Variants in CFAP44 observed in about 807,000 individuals in gnomAD.
CFAP44 encodes cilia- and flagella-associated protein 44.
CFAP44 carries 134 observed loss-of-function variants against 216.2 expected under a neutral mutation model. The observed-to-expected ratio is 0.62, with a 90% confidence interval of 0.54 to 0.72. CFAP44 has a LOEUF of 0.72. Ranked by LOEUF, CFAP44 falls within the 30% of genes least tolerant of loss-of-function variation. CFAP44 has a pLI of 0.00. For synonymous variants in CFAP44, 700 were observed against 727.6 expected, an observed-to-expected ratio of 0.96 and a Z score of 0.61; for missense variants, 2,035 against 2,182.1, an observed-to-expected ratio of 0.93 and a Z score of 1.34.
At chr3:113,412,108 C>T (rs1934494873) in intron 6 of CFAP44, among the ~76,000 whole-genome samples, 1 of 152,166 alleles carries the variant, frequency 6.6e-6, no homozygotes, top group African/African-American at 2.4e-5. Context: ...TGGCACAAGA[C>T]AGGGATGCCC....
intron 15 of CFAP44, among the ~76,000 whole-genome samples, chr3:113,384,392 AGTT>A (rs1206124620): frequency 2.6e-5 from 4 of 152,080 alleles, no homozygotes; most frequent in African/African-American, 9.7e-5. Flanking sequence ...GAGCTCTTAT[AGTT>A]GTTATGTGCT....
At chr3:113,316,526 A>G (rs1215139054) in intron 28 of CFAP44, among the ~76,000 whole-genome samples, 1 of 152,174 alleles carries the variant, frequency 6.6e-6, no homozygotes, top group South Asian at 2.1e-4. Context: ...AGATCAGTTG[A>G]ATTGACAAAC....
intron 28 of CFAP44, among the ~76,000 whole-genome samples, chr3:113,316,868 CAAA>C (rs71684264): frequency 3.4e-5 from 4 of 116,334 alleles, no homozygotes; most frequent in Admixed American, 1.8e-4. Context: ...GACTCCATCT[CAAA>C]AAAAAAAAAA....
At chr3:113,356,268 T>C (rs1251057616) in intron 22 of CFAP44, among the ~76,000 whole-genome samples, 1 of 151,446 alleles carries the variant, frequency 6.6e-6, no homozygotes, top group Non-Finnish European at 1.5e-5. Context: ...TTAATTATTA[T>C]TTAAATGTCT....
At chr3:113,361,132 G>T in intron 21 of CFAP44, 1 of 182,782 alleles carries the variant, frequency 5.5e-6, no homozygotes, top group Non-Finnish European at 1.2e-5. Flanking sequence ...TGGATTTAAT[G>T]GAAGGCCAGG....
At chr3:113,324,508 A>G (rs913553596) in intron 28 of CFAP44, among the ~76,000 whole-genome samples, 2 of 152,222 alleles carry the variant, frequency 1.3e-5, no homozygotes, top group Non-Finnish European at 2.9e-5. Flanking sequence ...GCTAAAAAGA[A>G]AATTACATGA....
intron 15 of CFAP44, among the ~76,000 whole-genome samples, chr3:113,388,330 A>C (rs539505171): frequency 5.3e-5 from 8 of 152,348 alleles, no homozygotes; most frequent in African/African-American, 1.4e-4. Context: ...AGTTGTCATC[A>C]GTTAAAATAA....
In CFAP44 at chr3:113,430,058, T is replaced by A. The variant is rs1576609208; in HGVS notation, c.101-2719A>T. Reference sequence around the variant, plus strand: ...TACATGGGTCATTTACCAAGACAGATCACTTGCTGGGACATAAGACCAGTT... The same window carrying A: ...TACATGGGTCATTTACCAAGACAGAACACTTGCTGGGACATAAGACCAGTT... On this transcript the variant is annotated intron_variant, in intron 2 of 34. Transcript: ENST00000393845. Among the ~76,000 whole-genome samples, 14 of 152,104 alleles carry A rather than the reference T, an allele frequency of 9.2e-5. 2 individuals carry two copies. The South Asian group carries it at 2.9e-3, about 32-fold the overall frequency.
rs1949864431 is a variant in CFAP44 at position 113,294,698 on chromosome 3, G to A, written c.5362C>T (p.Gln1788Ter). ...GGTAAAGAACATACCTGCTGATTCT[G>A]TAGTGTATTCAACCGAGAATCAAGT... is the stretch of plus-strand genomic sequence containing the variant. ...KKLDSRLNTL[Q>*]NQQGNAFQGP... The change falls in exon 34 of 35, where the codon CAG (glutamine) becomes TAG (stop). Residue 1788 changes from glutamine (Q) to a stop codon, truncating the protein, a stop_gained. Transcript: ENST00000393845. LOFTEE classifies it high-confidence loss of function. 6.5e-7 allele frequency: 1 copy of A among 1,532,132 alleles called. No homozygotes were observed. The allele number at this position is 1,532,132 out of a possible 1,614,324, so 94.9% of individuals were successfully genotyped here. A position where few individuals can be genotyped will look rare whatever the true frequency, so the allele number is the denominator to read the frequency against.
chr3:113,294,781 G>A lies in CFAP44; in HGVS notation c.5279C>T (p.Thr1760Ile), dbSNP rs915361544. The change falls in exon 34 of 35, where the codon ACA becomes ATA. Residue 1760 changes from threonine (T) to isoleucine (I), a missense_variant. Physicochemically the swap from Thr to Ile is moderately conservative, Grantham distance 89 (BLOSUM62 -1). Around this residue, in one of 3 missense-constraint regions of CFAP44, gnomAD observed 1,883 missense variants for 2,023.7 expected, o/e 0.93. Transcript: ENST00000393845. ...ATAAAGCTTTCTGGTGTGTTCTTTT[G>A]TCTTCATCATCAGTTCCCATCGCAT... is the stretch of plus-strand genomic sequence containing the variant. ...AQMRWELMMK[T>I]KEHTRKLYQM... 4 of 1,535,626 alleles carry A rather than the reference G, an allele frequency of 2.6e-6. No homozygotes were observed. Among genetic ancestry groups the A allele is most frequent in the Non-Finnish European group, 3.5e-6 (4 of 1,146,282 alleles).
At chr3:113,347,331 A>G (rs1304894338) in intron 22 of CFAP44, among the ~76,000 whole-genome samples, 1 of 152,058 alleles carries the variant, frequency 6.6e-6, no homozygotes, top group East Asian at 1.9e-4. Context: ...AAGTTGGTTG[A>G]CCCTGTAGCC....
chr3:113,316,345 T>G (rs964575427), intron 28 of CFAP44, among the ~76,000 whole-genome samples: 3 of 151,788 alleles, frequency 2.0e-5, no homozygotes, highest in Non-Finnish European at 4.4e-5. Flanking sequence ...AAGAAAAATA[T>G]CATCAATAAT....
At chr3:113,385,151 T>C (rs1559931499) in intron 15 of CFAP44, among the ~76,000 whole-genome samples, 1 of 152,212 alleles carries the variant, frequency 6.6e-6, no homozygotes, top group Non-Finnish European at 1.5e-5. Flanking sequence ...CCCTTAGCTC[T>C]TCCTTTGTCT....
chr3:113,431,142 G>A (rs1034549928), intron 2 of CFAP44, among the ~76,000 whole-genome samples: 2 of 152,150 alleles, frequency 1.3e-5, no homozygotes, highest in South Asian at 2.1e-4. Context: ...AAGGTTTTCA[G>A]GGGTGGGGGG....
At chr3:113,363,707 T>A (rs967510808) in intron 19 of CFAP44, among the ~76,000 whole-genome samples, 175 bp from the exon 20 acceptor site, 2 of 152,176 alleles carry the variant, frequency 1.3e-5, no homozygotes, top group Admixed American at 6.5e-5. Context: ...AAAAATGCAG[T>A]TTACTAAACT....
intron 32 of CFAP44, among the ~76,000 whole-genome samples, chr3:113,297,814 T>C (rs772851985): frequency 2.0e-5 from 3 of 152,244 alleles, no homozygotes; most frequent in Non-Finnish European, 4.4e-5. Flanking sequence ...AAGAGAAGTT[T>C]GAAGGCCTTA....
At chr3:113,408,217 T>C (rs1469281817) in intron 7 of CFAP44, among the ~76,000 whole-genome samples, 1 of 152,148 alleles carries the variant, frequency 6.6e-6, no homozygotes, top group African/African-American at 2.4e-5. Context: ...TGGTAGAAGA[T>C]TGTTACGCAA....
At position 113,400,647 on chromosome 3, in the gene CFAP44, G is replaced by A; in HGVS notation, c.1375-3C>T. Reference sequence around the variant, plus strand: ...AAGAGGCATTCTGGGTCCTGGGTCTGAGAATAGATAGACAGCTTACTAGAT... The same window carrying A: ...AAGAGGCATTCTGGGTCCTGGGTCTAAGAATAGATAGACAGCTTACTAGAT... On this transcript the variant is annotated splice_polypyrimidine_tract_variant and splice_region_variant and intron_variant, in intron 11 of 34. Coordinates refer to ENST00000393845, the MANE Select transcript of CFAP44 (RefSeq NM_001164496.2). 3 of 1,608,274 alleles carry A rather than the reference G, an allele frequency of 1.9e-6. No individual in the cohort carries two copies. Among genetic ancestry groups the A allele is most frequent in the Non-Finnish European group, 2.5e-6 (3 of 1,177,074 alleles).
chr3:113,334,719 A>T (rs976104937), intron 24 of CFAP44, among the ~76,000 whole-genome samples: 1 of 152,222 alleles, frequency 6.6e-6, no homozygotes, highest in Non-Finnish European at 1.5e-5. Flanking sequence ...ACCTACACAC[A>T]TACGAAACAG....
Sources: gnomAD v4.1 joint callset for allele counts (sites outside exome capture counted in the v4.1 genomes callset) on GRCh38, gnomAD v4.1.1 for gene constraint, gnomAD v4.1.1 regional missense constraint, MANE v1.5 for transcripts, NCBI Gene and HGNC (gene_info 2026-07-23, HGNC 2026-07-21) for gene names.